TMC1: variants seen among roughly 807,000 people sequenced by gnomAD.
TMC1 encodes transmembrane channel-like protein 1.
TMC1 carries 84 observed loss-of-function variants against 105.8 expected under a neutral mutation model. The observed-to-expected ratio is 0.79, with a 90% confidence interval of 0.67 to 0.95. The LOEUF (loss-of-function observed/expected upper bound fraction) is 0.95, where lower values mean the gene tolerates loss of function less well. Ranked by LOEUF, TMC1 falls within the 40% of genes least tolerant of loss-of-function variation. The probability of loss-of-function intolerance (pLI) is 0.00; values close to 1 mark genes in which losing one functional copy is unlikely to be tolerated. For missense variants in TMC1, 817 were observed against 914.1 expected, an observed-to-expected ratio of 0.89 and a Z score of 1.37; for synonymous variants, 315 against 311.5, an observed-to-expected ratio of 1.01 and a Z score of -0.12.
intron 4 of TMC1, among the ~76,000 whole-genome samples, chr9:72,640,041 A>G (rs1825599671): frequency 6.6e-6 from 1 of 152,178 alleles, no homozygotes; most frequent in Non-Finnish European, 1.5e-5. Flanking sequence ...GGTTTTGCCA[A>G]TCCAATTTTT....
At chr9:72,700,407 A>G (rs1249015425) in intron 7 of TMC1, 111 bp from the exon 8 acceptor site, 1 of 821,492 alleles carries the variant, frequency 1.2e-6, no homozygotes, top group East Asian at 2.8e-5. Flanking sequence ...TGTTGACTGC[A>G]TATGGTTACA....
At chr9:72,651,727 A>C (rs112142886) in intron 5 of TMC1, 63 of 152,358 alleles carry the variant, frequency 4.1e-4, no homozygotes, top group African/African-American at 1.5e-3. Context: ...TGACTTGGTC[A>C]GTTGAGTAGA....
chr9:72,641,136 C>T (rs1825621207), intron 4 of TMC1, among the ~76,000 whole-genome samples: 1 of 152,112 alleles, frequency 6.6e-6, no homozygotes, highest in Non-Finnish European at 1.5e-5. Context: ...CTCTGTTGCC[C>T]AGTCTGGAAT....
chr9:72,835,914 T>C (rs1409397486), intron 23 of TMC1, 37 bp from the exon 24 acceptor site: 2 of 1,533,098 alleles, frequency 1.3e-6, no homozygotes, highest in Non-Finnish European at 1.8e-6. Flanking sequence ...TCTCTCTCCT[T>C]GTTTTTTTTT....
At chr9:72,552,771 T>C (rs1012764566) in intron 1 of TMC1, among the ~76,000 whole-genome samples, 1 of 152,188 alleles carries the variant, frequency 6.6e-6, no homozygotes, top group African/African-American at 2.4e-5. Context: ...AATAACTAGA[T>C]GTTTGCATAT....
chr9:72,703,399 T>C (rs1826678960), intron 8 of TMC1, among the ~76,000 whole-genome samples: 1 of 152,176 alleles, frequency 6.6e-6, no homozygotes, highest in South Asian at 2.1e-4. Flanking sequence ...AGTGCTGAGA[T>C]TATAGGCATG....
chr9:72,701,478 T>C (rs1021664382), intron 8 of TMC1, among the ~76,000 whole-genome samples: 8 of 152,220 alleles, frequency 5.3e-5, no homozygotes, highest in Non-Finnish European at 7.3e-5. Flanking sequence ...ATAACAGCCA[T>C]GTTTGCATCT....
intron 17 of TMC1, among the ~76,000 whole-genome samples, chr9:72,800,502 G>A (rs1464547827): frequency 6.6e-6 from 1 of 152,140 alleles, no homozygotes; most frequent in African/African-American, 2.4e-5. Flanking sequence ...TAATTAGATA[G>A]GAATGCGAAT....
chr9:72,810,346 G>A (rs17560985), intron 18 of TMC1, among the ~76,000 whole-genome samples: 10,206 of 152,098 alleles, frequency 0.067, 397 homozygotes, highest in African/African-American at 0.1. Context: ...CCTTTCTACT[G>A]TATGCATGCA....
At chr9:72,705,011 A>T (rs1265530955) in intron 8 of TMC1, among the ~76,000 whole-genome samples, 4 of 152,164 alleles carry the variant, frequency 2.6e-5, no homozygotes, top group Non-Finnish European at 5.9e-5. Flanking sequence ...CAATTTCTAT[A>T]TTTTATTAAT....
intron 4 of TMC1, among the ~76,000 whole-genome samples, chr9:72,639,637 T>C (rs1215593511): frequency 2.0e-5 from 3 of 152,194 alleles, no homozygotes; most frequent in African/African-American, 7.2e-5. Flanking sequence ...TCGTGAAATA[T>C]ATGCTTGAAA....
intron 1 of TMC1, among the ~76,000 whole-genome samples, chr9:72,575,183 T>G (rs1254013976): frequency 6.6e-6 from 1 of 152,160 alleles, no homozygotes; most frequent in Non-Finnish European, 1.5e-5. Context: ...AATTAGGTTT[T>G]TTTGTTTGTT....
intron 12 of TMC1, among the ~76,000 whole-genome samples, chr9:72,759,977 C>T (rs116677436): frequency 6.6e-6 from 1 of 152,120 alleles, no homozygotes; most frequent in Non-Finnish European, 1.5e-5. Flanking sequence ...GGAGTTGAAG[C>T]ATTTGGGCCC....
intron 8 of TMC1, among the ~76,000 whole-genome samples, chr9:72,725,497 C>G (rs1010868310): frequency 6.6e-6 from 1 of 151,492 alleles, no homozygotes; most frequent in African/African-American, 2.4e-5. Flanking sequence ...AAAATCAAAA[C>G]TGAAGAACTT....
chr9:72,548,641 C>T lies in TMC1; in HGVS notation c.-428+26728C>T, dbSNP rs193022032. ...AGCCAACAAGATATGTTTTCTTTTC[C>T]GGGAGTTGTATTTTTTATCACTGAT... On this transcript the variant is annotated intron_variant, in intron 1 of 23. Coordinates refer to ENST00000297784, the MANE Select transcript of TMC1 (RefSeq NM_138691.3). 1.0e-2 allele frequency among the ~76,000 whole-genome samples: 1,508 copies of T among 151,532 alleles called. 9 individuals carry two copies. Among genetic ancestry groups the T allele is most frequent in the Non-Finnish European group, 0.017 (1,168 of 67,944 alleles).
chr9:72,593,400 T>G (rs560736688), intron 2 of TMC1, among the ~76,000 whole-genome samples: 6 of 152,080 alleles, frequency 3.9e-5, no homozygotes, highest in South Asian at 4.1e-4. Context: ...TCTTTTCTTT[T>G]TTTCTTTTCT....
chr9:72,779,093 G>T (rs369787657), intron 13 of TMC1, among the ~76,000 whole-genome samples: 3 of 152,172 alleles, frequency 2.0e-5, no homozygotes, highest in African/African-American at 7.2e-5. Flanking sequence ...AGCACAGCAG[G>T]TGTTTAACCT....
In TMC1 at chr9:72,709,414, G is replaced by A. The variant is rs1466916561; in HGVS notation, c.362+8771G>A. ...GGAGTACTCCCTCTTTCTCTTTCTT[G>A]TGGAATAGTGTCAATAGGATTGAAT... On this transcript the variant is annotated intron_variant, in intron 8 of 23. Transcript: ENST00000297784. 2.0e-5 allele frequency among the ~76,000 whole-genome samples: 3 copies of A among 152,000 alleles called. No homozygotes were observed. In the East Asian group the frequency reaches 5.8e-4, roughly 29 times the overall value.
intron 5 of TMC1, among the ~76,000 whole-genome samples, chr9:72,683,926 T>C (rs766551389): frequency 1.2e-4 from 18 of 151,490 alleles, no homozygotes; most frequent in Non-Finnish European, 2.1e-4. Context: ...TCTCATTCTT[T>C]TTCTTTCTTT....
Sources: gnomAD v4.1 joint callset for allele counts (sites outside exome capture counted in the v4.1 genomes callset) on GRCh38, gnomAD v4.1.1 for gene constraint, MANE v1.5 for transcripts, NCBI Gene and HGNC (gene_info 2026-07-23, HGNC 2026-07-21) for gene names.